SLC36A2: variants seen among roughly 807,000 people sequenced by gnomAD.
SLC36A2 encodes solute carrier family 36 member 2, also known as proton-coupled amino acid transporter 2.
A neutral mutation model predicts 42.7 loss-of-function variants in SLC36A2; 39 were observed. The ratio of observed to expected loss-of-function variants is 0.91; its 90% CI spans 0.71 to 1.19. The LOEUF (loss-of-function observed/expected upper bound fraction) is 1.19, where lower values mean the gene tolerates loss of function less well. Among genes scored for constraint, SLC36A2 ranks in the 50% most tolerant of loss-of-function variants. The pLI, the probability that SLC36A2 is intolerant of heterozygous loss-of-function variation, is 0.00. For synonymous variants in SLC36A2, 237 were observed against 240.8 expected (o/e 0.98, Z 0.15); for missense variants, 590 against 613.7 (o/e 0.96, Z 0.41).
chr5:151,346,613 C>T (rs1318750380), intron 1 of SLC36A2, among the ~76,000 whole-genome samples: 1 of 152,124 alleles, frequency 6.6e-6, no homozygotes, highest in East Asian at 1.9e-4. Context: ...ACTACCACAC[C>T]CCACACCTTT....
At chr5:151,318,894 T>C (rs1189768877) in intron 9 of SLC36A2, among the ~76,000 whole-genome samples, 1 of 152,160 alleles carries the variant, frequency 6.6e-6, no homozygotes, top group Non-Finnish European at 1.5e-5. Context: ...TTTTACATTT[T>C]TTATTATATT....
chr5:151,333,052 C>T (rs1273544229), intron 7 of SLC36A2, among the ~76,000 whole-genome samples, 172 bp downstream of exon 7: 1 of 152,198 alleles, frequency 6.6e-6, no homozygotes, highest in Admixed American at 6.5e-5. Context: ...CAACTTTTCT[C>T]TTGCTGGTGA....
At chr5:151,319,174 T>C (rs1001527584) in intron 9 of SLC36A2, 4 of 961,166 alleles carry the variant, frequency 4.2e-6, no homozygotes, top group African/African-American at 1.8e-5. Flanking sequence ...AGAAAAGTTA[T>C]CTTTGCTATT....
intron 4 of SLC36A2, among the ~76,000 whole-genome samples, chr5:151,341,922 C>A (rs1331185030): frequency 6.6e-6 from 1 of 152,234 alleles, no homozygotes; most frequent in East Asian, 1.9e-4. Flanking sequence ...GGATCCAGTT[C>A]ATGATCAAGT....
intron 7 of SLC36A2, among the ~76,000 whole-genome samples, chr5:151,328,082 G>GGCC (rs1243869902): frequency 6.6e-6 from 1 of 152,182 alleles, no homozygotes; most frequent in Admixed American, 6.5e-5. Context: ...GAGTAGCCCT[G>GGCC]GCCAAAGCAA....
At chr5:151,339,482 G>C (rs1756258145) in intron 4 of SLC36A2, among the ~76,000 whole-genome samples, 2 of 152,018 alleles carry the variant, frequency 1.3e-5, no homozygotes, top group South Asian at 4.2e-4. Flanking sequence ...GGCTAATTTT[G>C]TATTTTTGGT....
At chr5:151,328,864 G>A (rs1194701608) in intron 7 of SLC36A2, among the ~76,000 whole-genome samples, 4 of 152,166 alleles carry the variant, frequency 2.6e-5, no homozygotes, top group African/African-American at 4.8e-5. Context: ...GCCTGCTCAC[G>A]AAACTGGTCC....
chr5:151,322,198 T>C lies in SLC36A2; in HGVS notation c.1028A>G (p.Lys343Arg), dbSNP rs143519305. Reference sequence around the variant, plus strand: ...CAGGATGCCGGCAATGTAGAGAAGCTTGACAGACTGGTACAGCCTGCAAGA... The same window carrying C: ...CAGGATGCCGGCAATGTAGAGAAGCCTGACAGACTGGTACAGCCTGCAAGA... ...LPNCWLYQSV[K>R]LLYIAGILCT... is the part of the protein sequence containing the mutation. The change falls in exon 9 of 10, where the codon AAG (lysine) becomes AGG (arginine). Residue 343 changes from lysine (K) to arginine (R), a missense_variant. Coordinates refer to ENST00000335244, the MANE Select transcript of SLC36A2 (RefSeq NM_181776.3). 3.7e-6 allele frequency: 6 copies of C among 1,613,990 alleles called. No individual in the cohort carries two copies. The African/African-American group carries it at 8.0e-5, about 22-fold the overall frequency.
chr5:151,335,274 C>T (rs1019272768), intron 6 of SLC36A2, 55 bp downstream of exon 6: 1 of 1,407,764 alleles, frequency 7.1e-7, no homozygotes. Flanking sequence ...CTCAGTCTAT[C>T]CTTGATAAAA....
intron 4 of SLC36A2, among the ~76,000 whole-genome samples, chr5:151,340,715 C>G (rs1410766853): frequency 1.3e-5 from 2 of 152,154 alleles, no homozygotes; most frequent in Non-Finnish European, 2.9e-5. Context: ...GAAGATACAA[C>G]AAGAAGGTCT....
chr5:151,324,306 C>CTTATTTATTTATTTAT (rs58169831), intron 8 of SLC36A2, among the ~76,000 whole-genome samples: 6 of 140,916 alleles, frequency 4.3e-5, no homozygotes, highest in East Asian at 2.2e-4. Context: ...CCATGCCTGG[C>CTTATTTATTTATTTAT]TTATTTATTT....
intron 4 of SLC36A2, among the ~76,000 whole-genome samples, chr5:151,341,428 C>T (rs1050010499): frequency 7.9e-5 from 12 of 152,124 alleles, no homozygotes; most frequent in African/African-American, 2.7e-4. Context: ...AGGGGCACAC[C>T]GTGAGTACTG....
rs763059892 is a variant in SLC36A2 at position 151,325,196 on chromosome 5, C to T, written c.1010+90G>A. On this transcript the variant is annotated intron_variant, in intron 8 of 9. Transcript: ENST00000335244. ...CTTCTGTGGGAGGCTCTCTAGACCT[C>T]AGTTTCCCAGCTGTGGAAGGGAGGA... 1.8e-5 allele frequency: 26 copies of T among 1,472,910 alleles called. 1 individual carries two copies. The highest frequency in any genetic ancestry group is 1.4e-4 in the African/African-American group (10 of 71,956). 91.2% of individuals were successfully genotyped at this position (1,472,910 alleles called of 1,614,324 possible).
In SLC36A2 at chr5:151,333,307, TG is replaced by T; in HGVS notation, c.759del (p.Ser254AlafsTer6). On this transcript the variant is annotated frameshift_variant, in exon 7 of 10. Coordinates refer to ENST00000335244, the MANE Select transcript of SLC36A2 (RefSeq NM_181776.3). LOFTEE classifies it high-confidence loss of function. The part of the protein sequence containing the change: ...IQYITQEIPD[P>X]SRLPLVASWK... Reference sequence around the variant, plus strand: ...CAGCTTGCTACCAGTGGCAACCGGCTGGGGTCTGGGATTTCCTAAAGAAGAA... The same window carrying T: ...CAGCTTGCTACCAGTGGCAACCGGCTGGGTCTGGGATTTCCTAAAGAAGAA... 6.2e-7 allele frequency: 1 copy of T among 1,614,068 alleles called. No individual in the cohort carries two copies. The highest frequency in any genetic ancestry group is 1.1e-5 in the South Asian group (1 of 91,086).
intron 5 of SLC36A2, 55 bp downstream of exon 5, chr5:151,339,005 C>T: frequency 4.0e-6 from 5 of 1,259,364 alleles, no homozygotes; most frequent in Admixed American, 1.7e-5. Context: ...AAACAACTAG[C>T]AGTGGCGTGT....
At chr5:151,344,036 C>A (rs1375846083) in intron 2 of SLC36A2, 141 bp downstream of exon 2, 3 of 779,930 alleles carry the variant, frequency 3.8e-6, no homozygotes, top group Non-Finnish European at 4.4e-6. Flanking sequence ...CAAACCCAGG[C>A]TAGATGTCTA....
intron 4 of SLC36A2, among the ~76,000 whole-genome samples, chr5:151,341,966 T>C (rs1756358985): frequency 6.6e-6 from 1 of 152,210 alleles, no homozygotes. Context: ...ACCAGCTTGG[T>C]CCCAGCTACC....
chr5:151,345,637 G>C (rs1249120164), intron 1 of SLC36A2, among the ~76,000 whole-genome samples: 1 of 152,174 alleles, frequency 6.6e-6, no homozygotes, highest in East Asian at 1.9e-4. Flanking sequence ...TACTCGCCAG[G>C]CTAGCAATGG....
At chr5:151,320,375 TA>T (rs1192150504) in intron 9 of SLC36A2, among the ~76,000 whole-genome samples, 1 of 144,410 alleles carries the variant, frequency 6.9e-6, no homozygotes, top group African/African-American at 2.6e-5. Flanking sequence ...GATAATTATC[TA>T]AAAGTAACAC....
Sources: gnomAD v4.1 joint callset for allele counts (sites outside exome capture counted in the v4.1 genomes callset) on GRCh38, gnomAD v4.1.1 for gene constraint, MANE v1.5 for transcripts, NCBI Gene and HGNC (gene_info 2026-07-23, HGNC 2026-07-21) for gene names.